The following TG variants were observed in gnomAD, a reference collection of about 807,000 sequenced individuals.
TG encodes the protein thyroid hormones.
A neutral mutation model predicts 324.7 loss-of-function variants in TG; 270 were observed. The observed-to-expected ratio is 0.83, with a 90% CI of 0.75 to 0.92. The LOEUF is 0.92. TG is among the 40% of genes least tolerant of loss of function. TG has a pLI of 0.00. For missense variants in TG, 3,591 were observed against 3,456.4 expected, an observed-to-expected ratio of 1.04 and a Z score of -0.98; for synonymous variants, 1,401 against 1,327.0, an observed-to-expected ratio of 1.06 and a Z score of -1.21.
intron 41 of TG, chr8:133,044,894 C>A: frequency 1.5e-6 from 2 of 1,310,690 alleles, no homozygotes; most frequent in South Asian, 1.2e-5. Flanking sequence ...GTAAGCAAGA[C>A]CCCTCTGCAT....
At chr8:133,021,063 G>A (rs1250472827) in intron 39 of TG, among the ~76,000 whole-genome samples, 2 of 152,092 alleles carry the variant, frequency 1.3e-5, no homozygotes, top group Non-Finnish European at 2.9e-5. Flanking sequence ...AATATAATAG[G>A]GTCGGCCTAC....
chr8:132,983,395 C>T lies in TG; in HGVS notation c.6245C>T (p.Pro2082Leu), dbSNP rs755677679. ...AGTTTTTGCCCTTTGGTTGTTCTGC[C>T]TTCCCTCACAGAGAAAGGTAAGTTC... Reference protein sequence around the residue: ...APSFCPLVVLPSLTEKVSLDS... With the variant: ...APSFCPLVVLLSLTEKVSLDS... The change falls in exon 35 of 48, where the codon CCT becomes CTT. Residue 2082 changes from proline to leucine, a missense_variant. Coordinates refer to ENST00000220616, the MANE Select transcript of TG (RefSeq NM_003235.5). The T allele has an allele frequency of 2.5e-6, 4 of 1,613,952 alleles. No individual in the cohort carries two copies. The Admixed American group carries it at 5.0e-5, about 20-fold the overall frequency.
intron 27 of TG, among the ~76,000 whole-genome samples, chr8:132,956,487 C>G (rs1160392280): frequency 1.3e-5 from 2 of 152,134 alleles, no homozygotes; most frequent in Non-Finnish European, 2.9e-5. Flanking sequence ...GGAAGCCTTT[C>G]AGGAGGCAGT....
chr8:132,871,497 G>A lies in TG; in HGVS notation c.424G>A (p.Asp142Asn). The A allele has an allele frequency of 6.2e-7, 1 of 1,614,182 alleles. No individual in the cohort carries two copies. ...GCAGCAGGTCCAGTGCTGGTGTGTG[G>A]ACGCAGAGGGGATGGAGGTGTATGG... ...DVQQVQCWCV[D>N]AEGMEVYGTR... The change falls in exon 4 of 48, where the codon GAC (aspartate) becomes AAC (asparagine). Residue 142 changes from aspartate (D) to asparagine (N), a missense_variant. Transcript: ENST00000220616.
Position 133,011,987 on chromosome 8 carries a change from A to G in TG, c.6349A>G (p.Thr2117Ala), listed in dbSNP as rs757516158. The change falls in exon 36 of 48, where the codon ACT (threonine) becomes GCT (alanine). Residue 2117 changes from threonine to alanine, a missense_variant. Thr to Ala is a moderately conservative substitution (Grantham distance 58, BLOSUM62 0). Coordinates refer to ENST00000220616, the MANE Select transcript of TG (RefSeq NM_003235.5). ...IRHFDVAHVSTAATSNFSAVR... is the reference protein window; with the variant it reads ...IRHFDVAHVSAAATSNFSAVR... ...GCACTTTGATGTTGCCCATGTCAGC[A>G]CTGCTGCCACCAGCAATTTCTCTGC... 1 of 1,614,164 alleles carries G rather than the reference A, an allele frequency of 6.2e-7. No homozygotes were observed. The highest frequency in any genetic ancestry group is 1.7e-4 in the Middle Eastern group (1 of 6,060).
chr8:132,927,871 C>T lies in TG; in HGVS notation c.4700-1205C>T, dbSNP rs572808557. Among the ~76,000 whole-genome samples the T allele has an allele frequency of 3.3e-5, 5 of 152,234 alleles. No homozygotes were observed. In the South Asian group the frequency reaches 8.3e-4, roughly 25 times the overall value. The stretch of plus-strand genomic sequence containing the variant: ...GCTGGACTGGAGCTTGCAGTCTCTA[C>T]AAATGAGCTACTAAAGGGTATAAAA... On this transcript the variant is annotated intron_variant, in intron 22 of 47. Transcript: ENST00000220616.
intron 45 of TG, among the ~76,000 whole-genome samples, chr8:133,130,522 C>T (rs1220328896): frequency 4.6e-5 from 7 of 152,110 alleles, no homozygotes; most frequent in Non-Finnish European, 1.0e-4. Context: ...CAGTTCTGAT[C>T]GGCAGCCTCT....
At chr8:133,061,407 T>C (rs2131337990) in intron 41 of TG, among the ~76,000 whole-genome samples, 1 of 152,342 alleles carries the variant, frequency 6.6e-6, no homozygotes, top group Middle Eastern at 3.4e-3. Flanking sequence ...GGAACCACTT[T>C]GAACGTGGCG....
intron 41 of TG, chr8:133,046,955 A>T (rs1839533097): frequency 6.6e-6 from 1 of 152,170 alleles, no homozygotes. Context: ...TTGATATTGA[A>T]TGTACAAGAA....
At chr8:132,873,450 G>A (rs909369961) in intron 5 of TG, among the ~76,000 whole-genome samples, 4 of 152,240 alleles carry the variant, frequency 2.6e-5, no homozygotes, top group Non-Finnish European at 5.9e-5. Context: ...CCAATGAAAT[G>A]TAAAACATCA....
chr8:132,980,988 A>G (rs1222736555), intron 34 of TG, among the ~76,000 whole-genome samples: 1 of 152,192 alleles, frequency 6.6e-6, no homozygotes, highest in Non-Finnish European at 1.5e-5. Flanking sequence ...TATGCTTATT[A>G]AAAGGTTAAG....
intron 40 of TG, among the ~76,000 whole-genome samples, chr8:133,028,423 T>A (rs190504917): frequency 6.6e-6 from 1 of 152,234 alleles, no homozygotes; most frequent in Non-Finnish European, 1.5e-5. Context: ...TGTGTCGTTA[T>A]GCACTCTGAG....
At chr8:132,942,866 T>C (rs1824653981) in intron 26 of TG, among the ~76,000 whole-genome samples, 1 of 151,974 alleles carries the variant, frequency 6.6e-6, no homozygotes, top group Non-Finnish European at 1.5e-5. Flanking sequence ...GATGACAGAG[T>C]GGGAGGATTT....
chr8:132,965,321 C>T (rs1382118802), intron 29 of TG, among the ~76,000 whole-genome samples: 1 of 152,156 alleles, frequency 6.6e-6, no homozygotes, highest in Non-Finnish European at 1.5e-5. Flanking sequence ...TCCAAGTACT[C>T]ATAAAGCCTT....
At chr8:133,039,820 G>A (rs1383212839) in intron 41 of TG, among the ~76,000 whole-genome samples, 1 of 152,054 alleles carries the variant, frequency 6.6e-6, no homozygotes, top group Non-Finnish European at 1.5e-5. Context: ...CTGCACCCAG[G>A]GATTCCCTTG....
intron 10 of TG, among the ~76,000 whole-genome samples, chr8:132,890,020 GAT>G (rs1294518482): frequency 3.3e-5 from 5 of 152,108 alleles, no homozygotes; most frequent in Non-Finnish European, 5.9e-5. Context: ...GACCTCAGGT[GAT>G]CCACCCGCCA....
intron 43 of TG, among the ~76,000 whole-genome samples, chr8:133,103,379 C>T (rs1294255758): frequency 6.6e-6 from 1 of 152,114 alleles, no homozygotes; most frequent in East Asian, 1.9e-4. Context: ...CACCCTGGAG[C>T]TATAGCCCCA....
At position 132,886,764 on chromosome 8, in the gene TG, A is replaced by C; in HGVS notation, c.1392A>C (p.Pro464=). The C allele has an allele frequency of 6.2e-7, 1 of 1,614,154 alleles. No individual in the cohort carries two copies. Among genetic ancestry groups the C allele is most frequent in the Non-Finnish European group, 8.5e-7 (1 of 1,180,036 alleles). Residue 464 remains proline (P), a synonymous_variant, in exon 9 of 48, where the codon CCA becomes CCC. Transcript: ENST00000220616. The part of the protein sequence containing the change: ...ARLALQFTTN[P]KRLQQNLFGG... ...TTGCCCTTCAGTTTACCACCAACCCAAAGAGACTCCAGCAAAACCTTTTTG... is the reference window on the plus strand; with the variant it reads ...TTGCCCTTCAGTTTACCACCAACCCCAAGAGACTCCAGCAAAACCTTTTTG...
intron 21 of TG, among the ~76,000 whole-genome samples, chr8:132,921,045 C>G (rs864091): frequency 4.6e-5 from 7 of 152,134 alleles, no homozygotes; most frequent in African/African-American, 1.4e-4. Context: ...TGCTTAGTAC[C>G]TACACAGAGA....
Sources: allele counts gnomAD v4.1 joint callset (sites outside exome capture counted in the v4.1 genomes callset), GRCh38; gene constraint gnomAD v4.1.1; transcripts MANE v1.5; gene names NCBI Gene and HGNC (gene_info 2026-07-23, HGNC 2026-07-21).